FRK: variants seen among roughly 807,000 people sequenced by gnomAD.
The protein encoded by FRK is fyn related Src family tyrosine kinase, also known as tyrosine-protein kinase FRK.
In FRK, 51 loss-of-function variants were observed where a neutral mutation model predicts 56.4. That is an observed-to-expected ratio of 0.90 (90% CI 0.72 to 1.14). The LOEUF (loss-of-function observed/expected upper bound fraction) is 1.14. Among genes scored for constraint, FRK ranks in the 50% most tolerant of loss-of-function variants. The probability of loss-of-function intolerance (pLI) is 0.00; values close to 1 mark genes in which losing one functional copy is unlikely to be tolerated. For missense variants in FRK, 570 were observed against 601.4 expected (o/e 0.95, Z 0.55); for synonymous variants, 245 against 217.9 (o/e 1.12, Z -1.10).
chr6:116,014,938 G>A (rs908281475), intron 1 of FRK, among the ~76,000 whole-genome samples: 4 of 151,890 alleles, frequency 2.6e-5, no homozygotes, highest in South Asian at 2.1e-4. Context: ...ATTTTTTTCC[G>A]GGGAGATAAT....
chr6:116,000,016 T>C (rs1774993607), intron 2 of FRK, among the ~76,000 whole-genome samples: 1 of 152,188 alleles, frequency 6.6e-6, no homozygotes, highest in Non-Finnish European at 1.5e-5. Context: ...CAGAGCTTCC[T>C]AAATCCATAA....
chr6:115,957,265 T>A (rs186507860), intron 4 of FRK, among the ~76,000 whole-genome samples: 2 of 152,134 alleles, frequency 1.3e-5, no homozygotes, highest in Non-Finnish European at 2.9e-5. Context: ...GGAGAGACAA[T>A]ATTAAGGCCT....
chr6:115,975,149 T>TA (rs200476414), intron 2 of FRK, among the ~76,000 whole-genome samples: 13 of 151,858 alleles, frequency 8.6e-5, no homozygotes, highest in South Asian at 2.1e-4. Context: ...ATGGCAAAAA[T>TA]AAAAAAAACC....
intron 2 of FRK, among the ~76,000 whole-genome samples, chr6:115,974,665 A>G (rs1469160901): frequency 6.6e-6 from 1 of 152,166 alleles, no homozygotes; most frequent in Non-Finnish European, 1.5e-5. Flanking sequence ...TTAGCATTCA[A>G]AGATTTCTGA....
chr6:116,054,560 TTATAAA>T (rs1355980950), intron 1 of FRK, among the ~76,000 whole-genome samples: 1 of 146,324 alleles, frequency 6.8e-6, no homozygotes, highest in Non-Finnish European at 1.5e-5. Flanking sequence ...ATACTATATT[TTATAAA>T]TATAGTGTTA....
At chr6:116,096,023 C>T in the FRK span, among the ~76,000 whole-genome samples, 6 of 152,342 alleles carry the variant, frequency 3.9e-5, no homozygotes, top group African/African-American at 4.8e-5. Context: ...TGCCATTACT[C>T]GCCTTCAGGC....
intron 3 of FRK, 124 bp from the exon 4 acceptor site, chr6:115,967,843 T>C: frequency 1.4e-6 from 1 of 715,738 alleles, no homozygotes; most frequent in Non-Finnish European, 2.2e-6. Flanking sequence ...TTGTAAACTG[T>C]ATTATAATTA....
Position 116,003,778 on chromosome 6 carries a change from A to G in FRK, c.466+99T>C. 4.3e-6 allele frequency: 6 copies of G among 1,396,874 alleles called. No individual in the cohort carries two copies. The South Asian group carries it at 6.8e-5, about 16-fold the overall frequency. 86.5% of individuals were successfully genotyped at this position (1,396,874 alleles called of 1,614,324 possible). A position where few individuals can be genotyped will look rare whatever the true frequency, so the allele number is the denominator to read the frequency against. ...TTTGGTGCTACTGTAAAGATAAGAA[A>G]TAAGGCAAATTTTAAATGATCGTGT... On this transcript the variant is annotated intron_variant, in intron 2 of 7. Coordinates refer to ENST00000606080, the MANE Select transcript of FRK (RefSeq NM_002031.3).
At chr6:116,013,935 A>G (rs563265622) in intron 1 of FRK, among the ~76,000 whole-genome samples, 1 of 152,226 alleles carries the variant, frequency 6.6e-6, no homozygotes, top group South Asian at 2.1e-4. Context: ...CTTTTCCTAT[A>G]CTAGAGGTGA....
At chr6:115,972,801 A>G (rs1562264920) in intron 2 of FRK, among the ~76,000 whole-genome samples, 1 of 152,176 alleles carries the variant, frequency 6.6e-6, no homozygotes, top group Non-Finnish European at 1.5e-5. Flanking sequence ...GTAATCTTTT[A>G]ACAGTCATAT....
intron 6 of FRK, 123 bp downstream of exon 6, chr6:115,944,121 T>G (rs987658466): frequency 4.4e-6 from 3 of 684,928 alleles, no homozygotes; most frequent in Admixed American, 3.4e-5. Flanking sequence ...ACTACTGAAG[T>G]AGTTTATGGA....
chr6:116,084,610 C>T, the FRK span, among the ~76,000 whole-genome samples: 1 of 152,158 alleles, frequency 6.6e-6, no homozygotes, highest in African/African-American at 2.4e-5. Flanking sequence ...GACTCAGACT[C>T]AGAACAGGCA....
Position 116,056,514 on chromosome 6 carries a change from G to A in FRK, c.344+3454C>T, listed in dbSNP as rs181590625. Among the ~76,000 whole-genome samples the A allele has an allele frequency of 5.3e-3, 800 of 152,168 alleles. 5 individuals carry two copies. Among genetic ancestry groups the A allele is most frequent in the Non-Finnish European group, 8.3e-3 (566 of 68,014 alleles). On this transcript the variant is annotated intron_variant, in intron 1 of 7. Coordinates refer to ENST00000606080, the MANE Select transcript of FRK (RefSeq NM_002031.3). ...ACTCTTTGCAGATAAATGATGCTAC[G>A]TCTAATATTATTGCTGATCATATTG... is the stretch of plus-strand genomic sequence containing the variant.
chr6:115,974,980 A>G, intron 2 of FRK, among the ~76,000 whole-genome samples: 1 of 152,188 alleles, frequency 6.6e-6, no homozygotes, highest in East Asian at 1.9e-4. Context: ...GGCTCAGAGT[A>G]ATCACTAATA....
At chr6:116,015,357 G>A (rs1015329999) in intron 1 of FRK, among the ~76,000 whole-genome samples, 3 of 152,094 alleles carry the variant, frequency 2.0e-5, no homozygotes, top group East Asian at 1.9e-4. Flanking sequence ...TAAGTTTCCC[G>A]AGTCTTCCCC....
At chr6:116,026,933 T>A (rs759458125) in intron 1 of FRK, among the ~76,000 whole-genome samples, 18 of 152,086 alleles carry the variant, frequency 1.2e-4, no homozygotes, top group Non-Finnish European at 2.2e-4. Context: ...AGGGAAGAGA[T>A]GATAAGGAAT....
chr6:115,949,233 G>T (rs1191120959), intron 5 of FRK, among the ~76,000 whole-genome samples: 2 of 150,804 alleles, frequency 1.3e-5, no homozygotes, highest in African/African-American at 4.9e-5. Context: ...TCTACAAATA[G>T]CGATAATATG....
At chr6:116,039,032 G>T in intron 1 of FRK, 1 of 748,756 alleles carries the variant, frequency 1.3e-6, no homozygotes, top group Non-Finnish European at 2.5e-6. Context: ...GAGGGTCCTG[G>T]GGCACTCAGA....
At chr6:115,960,069 T>G (rs532747448) in intron 4 of FRK, among the ~76,000 whole-genome samples, 29 of 152,310 alleles carry the variant, frequency 1.9e-4, no homozygotes, top group East Asian at 1.7e-3. Flanking sequence ...GAACAGCTCC[T>G]GTCTACAGCT....
Sources: gnomAD v4.1 joint callset for allele counts (sites outside exome capture counted in the v4.1 genomes callset) on GRCh38, gnomAD v4.1.1 for gene constraint, MANE v1.5 for transcripts, NCBI Gene and HGNC (gene_info 2026-07-23, HGNC 2026-07-21) for gene names.